PHACTR1: variants seen among roughly 807,000 people sequenced by gnomAD.
PHACTR1 encodes RPEL repeat containing 1.
PHACTR1 carries 16 observed loss-of-function variants against 69.2 expected under a neutral mutation model. That is an observed-to-expected ratio of 0.23 (90% CI 0.16 to 0.35). The LOEUF (loss-of-function observed/expected upper bound fraction) is 0.35, where lower values mean the gene tolerates loss of function less well. PHACTR1 is among the 10% of genes least tolerant of loss of function. The pLI is 1.00. For synonymous variants in PHACTR1, 312 were observed against 284.5 expected (o/e 1.10, Z -0.97); for missense variants, 510 against 734.7 (o/e 0.69, Z 3.54).
chr6:12,721,717 G>A lies in PHACTR1; in HGVS notation c.103+2870G>A, dbSNP rs1433302005. Among the ~76,000 whole-genome samples, 3 of 152,122 alleles carry A rather than the reference G, an allele frequency of 2.0e-5. No homozygotes were observed. The East Asian group carries it at 5.8e-4, about 29-fold the overall frequency. ...CAAGTTCTGCTTTTACCATTACTTG[G>A]GGCTTGGCACTGCATTGCATGGGTT... is the stretch of plus-strand genomic sequence containing the variant. On this transcript the variant is annotated intron_variant, in intron 3 of 14. Transcript: ENST00000332995.
intron 3 of PHACTR1, among the ~76,000 whole-genome samples, chr6:12,732,724 T>G (rs1277507147): frequency 6.6e-6 from 1 of 152,232 alleles, no homozygotes; most frequent in Non-Finnish European, 1.5e-5. Flanking sequence ...ATCAAGCTCC[T>G]CAGATTTATT....
At chr6:13,053,580 T>C in intron 5 of PHACTR1, 51 bp downstream of exon 5, 9 of 1,569,698 alleles carry the variant, frequency 5.7e-6, no homozygotes, top group East Asian at 2.3e-5. Flanking sequence ...TGCCTTCAAC[T>C]CTATTATCTT....
intron 4 of PHACTR1, among the ~76,000 whole-genome samples, chr6:13,029,051 GAATT>G (rs1341871959): frequency 6.6e-6 from 1 of 152,124 alleles, no homozygotes. Context: ...CCAATTATGA[GAATT>G]AATCTAATCT....
intron 4 of PHACTR1, among the ~76,000 whole-genome samples, chr6:12,876,940 G>T (rs1392170283): frequency 1.3e-5 from 2 of 152,152 alleles, no homozygotes; most frequent in Non-Finnish European, 2.9e-5. Flanking sequence ...GAGAAGATGA[G>T]ATGAGATGTT....
chr6:13,209,395 T>C (rs1766446409), intron 8 of PHACTR1, among the ~76,000 whole-genome samples: 1 of 152,352 alleles, frequency 6.6e-6, no homozygotes, highest in Non-Finnish European at 1.5e-5. Context: ...CAAAAAACTC[T>C]GCAAGAAGGG....
chr6:12,745,065 C>T (rs774101574), intron 3 of PHACTR1, among the ~76,000 whole-genome samples: 10 of 152,094 alleles, frequency 6.6e-5, no homozygotes, highest in East Asian at 1.9e-4. Flanking sequence ...TAACAAGTAT[C>T]GCAAGTGATT....
At chr6:13,163,379 G>C (rs1057159040) in intron 6 of PHACTR1, among the ~76,000 whole-genome samples, 1 of 152,220 alleles carries the variant, frequency 6.6e-6, no homozygotes, top group Non-Finnish European at 1.5e-5. Flanking sequence ...ACTTATCACT[G>C]TCTGTTCTTT....
chr6:13,239,941 C>T (rs946759666), intron 10 of PHACTR1, among the ~76,000 whole-genome samples: 3 of 152,034 alleles, frequency 2.0e-5, no homozygotes, highest in Non-Finnish European at 4.4e-5. Flanking sequence ...GCGGCTGCCC[C>T]GGCAGTCTGT....
intron 5 of PHACTR1, among the ~76,000 whole-genome samples, chr6:13,132,850 G>C (rs1345392446): frequency 6.6e-6 from 1 of 152,098 alleles, no homozygotes; most frequent in African/African-American, 2.4e-5. Context: ...AAAGGTTGGG[G>C]CGGCTGTGGC....
At chr6:13,219,457 C>G (rs1330546245) in intron 8 of PHACTR1, among the ~76,000 whole-genome samples, 1 of 152,152 alleles carries the variant, frequency 6.6e-6, no homozygotes, top group Non-Finnish European at 1.5e-5. Flanking sequence ...GCCTCTCTAT[C>G]CTCAAGGAGA....
intron 5 of PHACTR1, among the ~76,000 whole-genome samples, chr6:13,077,605 G>C (rs1810725432): frequency 6.6e-6 from 1 of 152,180 alleles, no homozygotes; most frequent in Admixed American, 6.5e-5. Context: ...TACAGAGTTG[G>C]GCTTTCATTC....
rs184688002 is a variant in PHACTR1, at chr6:13,232,404, G to C, written c.1391+2211G>C. 2.9e-3 allele frequency among the ~76,000 whole-genome samples: 439 copies of C among 152,304 alleles called. 3 individuals are homozygous for C. Among genetic ancestry groups the C allele is most frequent in the African/African-American group, 9.9e-3 (411 of 41,572 alleles). ...GGTCAACACTGATGGATGATTGGAC[G>C]TAGTGTTATGCAGTCTTTAGAGTCA... On this transcript the variant is annotated intron_variant, in intron 10 of 14. Transcript: ENST00000332995.
chr6:12,907,845 G>A (rs7760016), intron 4 of PHACTR1, among the ~76,000 whole-genome samples: 77,426 of 152,052 alleles, frequency 0.51, 23,223 homozygotes, highest in East Asian at 0.91. Flanking sequence ...AGATGTCCAG[G>A]TTCCTTCCAT....
At chr6:12,826,023 G>T (rs1473132087) in intron 4 of PHACTR1, among the ~76,000 whole-genome samples, 1 of 152,234 alleles carries the variant, frequency 6.6e-6, no homozygotes, top group East Asian at 1.9e-4. Flanking sequence ...GATTGGGAGT[G>T]TTTCTCAGTA....
chr6:13,045,652 C>G (rs1804901421), intron 4 of PHACTR1, among the ~76,000 whole-genome samples: 1 of 152,208 alleles, frequency 6.6e-6, no homozygotes, highest in African/African-American at 2.4e-5. Flanking sequence ...AGCAAATTAA[C>G]AGAAACATGG....
intron 4 of PHACTR1, among the ~76,000 whole-genome samples, chr6:12,787,093 G>A (rs1771633883): frequency 6.6e-6 from 1 of 152,178 alleles, no homozygotes; most frequent in Non-Finnish European, 1.5e-5. Flanking sequence ...GATTTGAATG[G>A]AAAGTTCTTA....
chr6:12,754,228 C>G (rs1227166237), intron 4 of PHACTR1, among the ~76,000 whole-genome samples: 5 of 151,042 alleles, frequency 3.3e-5, no homozygotes, highest in Admixed American at 3.3e-4. Flanking sequence ...CTGCCTTGGC[C>G]TCCCAAAGTG....
At chr6:13,091,945 A>T (rs1813348929) in intron 5 of PHACTR1, among the ~76,000 whole-genome samples, 1 of 152,252 alleles carries the variant, frequency 6.6e-6, no homozygotes, top group East Asian at 1.9e-4. Context: ...CTGCAGGCGC[A>T]TATGACCACG....
At chr6:12,735,227 C>T (rs1295921351) in intron 3 of PHACTR1, among the ~76,000 whole-genome samples, 3 of 19,480 alleles carry the variant, frequency 1.5e-4, no homozygotes, top group Non-Finnish European at 2.4e-4. Flanking sequence ...GGTGTGTCTC[C>T]ATCACGTTGC....
Sources: allele counts gnomAD v4.1 joint callset (sites outside exome capture counted in the v4.1 genomes callset), GRCh38; gene constraint gnomAD v4.1.1; transcripts MANE v1.5; gene names NCBI Gene and HGNC (gene_info 2026-07-23, HGNC 2026-07-21).